Variants in WASHC5 observed in about 807,000 individuals in gnomAD.
WASHC5 encodes WASH complex subunit 5.
In WASHC5, 101 loss-of-function variants were observed where a neutral mutation model predicts 150.4. The observed-to-expected ratio is 0.67, with a 90% CI of 0.57 to 0.79. The LOEUF is 0.79. Ranked by LOEUF, WASHC5 falls within the 30% of genes least tolerant of loss-of-function variation. The probability of loss-of-function intolerance (pLI) is 0.00; values close to 1 mark genes in which losing one functional copy is unlikely to be tolerated. For synonymous variants in WASHC5, 467 were observed against 491.2 expected, an observed-to-expected ratio of 0.95 and a Z score of 0.65; for missense variants, 1,195 against 1,396.3, an observed-to-expected ratio of 0.86 and a Z score of 2.30.
chr8:125,089,765 T>G (rs1817540949), intron 1 of WASHC5, among the ~76,000 whole-genome samples: 1 of 152,220 alleles, frequency 6.6e-6, no homozygotes, highest in South Asian at 2.1e-4. Context: ...TGTGTCAATC[T>G]CTTGTTTTAA....
At chr8:125,067,812 C>A in intron 9 of WASHC5, 93 bp from the exon 10 acceptor site, 1 of 1,413,702 alleles carries the variant, frequency 7.1e-7, no homozygotes, top group Non-Finnish European at 9.8e-7. Context: ...TCATTTTAAC[C>A]ATTTAAAAAG....
intron 1 of WASHC5, among the ~76,000 whole-genome samples, chr8:125,085,138 G>A (rs79300936): frequency 0.099 from 15,110 of 152,156 alleles, 1,665 homozygotes; most frequent in African/African-American, 0.27. Flanking sequence ...TGCTGGAGAT[G>A]AGCCCTGAAG....
chr8:125,058,573 C>T (rs900691713), intron 14 of WASHC5, among the ~76,000 whole-genome samples: 3 of 151,958 alleles, frequency 2.0e-5, no homozygotes, highest in African/African-American at 7.3e-5. Flanking sequence ...ATGGTGAAAC[C>T]CCATCTCTAC....
chr8:125,082,563 A>T, intron 3 of WASHC5, 96 bp from the exon 4 acceptor site: 1 of 778,346 alleles, frequency 1.3e-6, no homozygotes, highest in Non-Finnish European at 2.2e-6. Flanking sequence ...GCAGGATGCC[A>T]GGCATTCTGG....
chr8:125,032,138 A>G, intron 27 of WASHC5, 103 bp downstream of exon 27: 4 of 1,339,384 alleles, frequency 3.0e-6, no homozygotes, highest in Non-Finnish European at 3.2e-6. Context: ...GTGAGCAACC[A>G]TTTCCCATCT....
At chr8:125,079,020 G>C (rs1479942511) in intron 5 of WASHC5, 90 bp from the exon 6 acceptor site, 2 of 1,068,024 alleles carry the variant, frequency 1.9e-6, no homozygotes, top group Admixed American at 3.5e-5. Context: ...ATTCTACTTT[G>C]ACTCAATATA....
At chr8:125,042,955 T>C (rs1815940051) in intron 23 of WASHC5, among the ~76,000 whole-genome samples, 4 of 152,358 alleles carry the variant, frequency 2.6e-5, no homozygotes, top group Middle Eastern at 3.4e-3. Context: ...GAGAAACTTA[T>C]ATAATTGGGA....
chr8:125,062,627 A>G (rs1816631471), intron 11 of WASHC5, among the ~76,000 whole-genome samples: 3 of 152,210 alleles, frequency 2.0e-5, no homozygotes, highest in Admixed American at 1.3e-4. Context: ...AGGAACAATA[A>G]TACAATTTGG....
chr8:125,050,705 A>C, intron 17 of WASHC5, 40 bp from the exon 18 acceptor site: 2 of 1,500,430 alleles, frequency 1.3e-6, no homozygotes, highest in African/African-American at 2.7e-5. Flanking sequence ...AGTTACGAAA[A>C]ATTCAGTCCT....
At chr8:125,080,151 C>T (rs897190066) in intron 5 of WASHC5, among the ~76,000 whole-genome samples, 8 of 152,108 alleles carry the variant, frequency 5.3e-5, no homozygotes, top group Admixed American at 1.3e-4. Flanking sequence ...TCTTTTGCCA[C>T]GACTGTGACT....
intron 17 of WASHC5, 48 bp downstream of exon 17, chr8:125,055,543 C>T: frequency 1.8e-6 from 2 of 1,094,602 alleles, no homozygotes; most frequent in Non-Finnish European, 1.4e-6. Context: ...AAAACCCAAA[C>T]AGCTAAGAGT....
rs555393889 is a variant in WASHC5, at chr8:125,033,966, T to C, written c.3182-1572A>G. Among the ~76,000 whole-genome samples, 33 of 152,292 alleles carry C rather than the reference T, an allele frequency of 2.2e-4. No individual in the cohort carries two copies. The South Asian group carries it at 6.8e-3, about 32-fold the overall frequency. On this transcript the variant is annotated intron_variant, in intron 26 of 28. Coordinates refer to ENST00000318410, the MANE Select transcript of WASHC5 (RefSeq NM_014846.4). ...TTAAAGTTACCAGTAAAAAAATACATAGATAAGTCACAATATTCTCAAAAC... is the reference window on the plus strand; with the variant it reads ...TTAAAGTTACCAGTAAAAAAATACACAGATAAGTCACAATATTCTCAAAAC...
intron 17 of WASHC5, among the ~76,000 whole-genome samples, chr8:125,052,585 T>C (rs1381583864): frequency 6.9e-6 from 1 of 144,378 alleles, no homozygotes; most frequent in Non-Finnish European, 1.5e-5. Context: ...TACACATAGT[T>C]GCATGCATGT....
At chr8:125,049,242 T>G in intron 18 of WASHC5, 57 bp from the exon 19 acceptor site, 1 of 1,565,040 alleles carries the variant, frequency 6.4e-7, no homozygotes, top group Non-Finnish European at 8.8e-7. Context: ...CAACTATTCG[T>G]TCTAATATCT....
chr8:125,041,648 AG>A (rs1387564134), intron 23 of WASHC5, among the ~76,000 whole-genome samples: 2 of 152,016 alleles, frequency 1.3e-5, no homozygotes, highest in East Asian at 3.8e-4. Flanking sequence ...CAAAAAAAAA[AG>A]AAAAGGAGGG....
chr8:125,071,911 C>T (rs1177967295), intron 9 of WASHC5, among the ~76,000 whole-genome samples: 1 of 152,182 alleles, frequency 6.6e-6, no homozygotes, highest in East Asian at 1.9e-4. Flanking sequence ...TTGTTTTCAG[C>T]AGCTAAAGGC....
chr8:125,031,259 T>C (rs1354005506), intron 27 of WASHC5, among the ~76,000 whole-genome samples: 1 of 152,042 alleles, frequency 6.6e-6, no homozygotes, highest in Non-Finnish European at 1.5e-5. Flanking sequence ...TTGTGTGGAC[T>C]TAGAAGATCA....
At chr8:125,060,214 C>G (rs898433560) in intron 12 of WASHC5, among the ~76,000 whole-genome samples, 2 of 152,010 alleles carry the variant, frequency 1.3e-5, no homozygotes, top group Non-Finnish European at 2.9e-5. Context: ...TGGCCGGGCA[C>G]GGTGGCTCAT....
intron 27 of WASHC5, among the ~76,000 whole-genome samples, chr8:125,030,920 C>T (rs961322649): frequency 1.7e-4 from 26 of 152,160 alleles, no homozygotes; most frequent in Non-Finnish European, 1.9e-4. Flanking sequence ...CCTAAGACAA[C>T]AGATGGCATA....
Sources: allele counts gnomAD v4.1 joint callset (sites outside exome capture counted in the v4.1 genomes callset), GRCh38; gene constraint gnomAD v4.1.1; transcripts MANE v1.5; gene names NCBI Gene and HGNC (gene_info 2026-07-23, HGNC 2026-07-21).